The following UNC5D variants were observed in gnomAD, a reference collection of about 807,000 sequenced individuals.
The protein encoded by UNC5D is unc-5 netrin receptor D, also known as netrin receptor UNC5D.
A neutral mutation model predicts 105.4 loss-of-function variants in UNC5D; 39 were observed. The observed-to-expected ratio is 0.37, with a 90% confidence interval of 0.29 to 0.48. The LOEUF is 0.48. UNC5D is among the 20% of genes least tolerant of loss of function. The pLI is 0.98. For missense variants in UNC5D, 991 were observed against 1,202.4 expected (o/e 0.82, Z 2.60); for synonymous variants, 452 against 450.4 (o/e 1.00, Z -0.04).
intron 1 of UNC5D, among the ~76,000 whole-genome samples, chr8:35,333,507 G>C (rs1271865146): frequency 4.6e-5 from 7 of 152,090 alleles, no homozygotes; most frequent in Non-Finnish European, 1.0e-4. Flanking sequence ...TTGTTTTTGA[G>C]AGGGAGTTTC....
intron 1 of UNC5D, among the ~76,000 whole-genome samples, chr8:35,247,099 C>A (rs769221919): frequency 4.6e-5 from 7 of 151,972 alleles, no homozygotes; most frequent in Non-Finnish European, 8.8e-5. Flanking sequence ...CAGTGTTGTC[C>A]TTGCCTCTTC....
chr8:35,503,401 T>C (rs1345806587), intron 1 of UNC5D, among the ~76,000 whole-genome samples: 1 of 152,158 alleles, frequency 6.6e-6, no homozygotes, highest in Non-Finnish European at 1.5e-5. Flanking sequence ...CCATCAGATC[T>C]CCTGAGACTT....
intron 16 of UNC5D, among the ~76,000 whole-genome samples, chr8:35,786,659 G>A (rs761531795): frequency 1.6e-4 from 25 of 152,052 alleles, no homozygotes; most frequent in Non-Finnish European, 3.4e-4. Context: ...CATTTACCTA[G>A]GATAAAGTTC....
At chr8:35,337,617 A>G (rs1189780516) in intron 1 of UNC5D, among the ~76,000 whole-genome samples, 1 of 152,208 alleles carries the variant, frequency 6.6e-6, no homozygotes, top group Non-Finnish European at 1.5e-5. Flanking sequence ...GGTATGAAGC[A>G]CACATTGAAT....
At chr8:35,712,681 G>C (rs1250767460) in intron 8 of UNC5D, among the ~76,000 whole-genome samples, 1 of 152,116 alleles carries the variant, frequency 6.6e-6, no homozygotes, top group Non-Finnish European at 1.5e-5. Flanking sequence ...TCTTCACCAG[G>C]TACAGAATTC....
intron 1 of UNC5D, among the ~76,000 whole-genome samples, chr8:35,354,272 CT>C (rs138675674): frequency 0.015 from 2,271 of 152,158 alleles, 65 homozygotes; most frequent in African/African-American, 0.053. Flanking sequence ...CTTTCCCCCC[CT>C]CTCTTGCTTT....
rs967909811 is a variant in UNC5D at position 35,793,074 on chromosome 8, T to G, written c.*2511T>G. The G allele has an allele frequency of 8.8e-6, 4 of 453,816 alleles. No homozygotes were observed. The highest frequency in any genetic ancestry group is 1.8e-5 in the Non-Finnish European group (4 of 226,052). The allele number at this position is 453,816 out of a possible 1,614,324, so 28.1% of individuals were successfully genotyped here. On this transcript the variant is annotated 3_prime_UTR_variant, in exon 17 of 17. Transcript: ENST00000404895. Reference sequence around the variant, plus strand: ...ATTCACCTCAGACTTCAGCCTAAGATTCAATCAAATTCATCCTTCAGCCTG... The same window carrying G: ...ATTCACCTCAGACTTCAGCCTAAGAGTCAATCAAATTCATCCTTCAGCCTG...
chr8:35,342,260 A>G, intron 1 of UNC5D, among the ~76,000 whole-genome samples: 1 of 152,076 alleles, frequency 6.6e-6, no homozygotes, highest in East Asian at 1.9e-4. Flanking sequence ...TTGGGGACAG[A>G]CCAAAAGAGA....
chr8:35,567,236 T>C (rs1323978317), intron 2 of UNC5D, among the ~76,000 whole-genome samples: 1 of 152,176 alleles, frequency 6.6e-6, no homozygotes, highest in Non-Finnish European at 1.5e-5. Context: ...GCTTTAAGAC[T>C]AACTTGGTTT....
intron 1 of UNC5D, among the ~76,000 whole-genome samples, chr8:35,542,159 A>G (rs2130637084): frequency 6.6e-6 from 1 of 152,352 alleles, no homozygotes; most frequent in South Asian, 2.1e-4. Flanking sequence ...AAAATAAACA[A>G]GAAACTTTTA....
intron 1 of UNC5D, among the ~76,000 whole-genome samples, chr8:35,342,661 G>A (rs1811533009): frequency 6.6e-6 from 1 of 151,966 alleles, no homozygotes. Context: ...AGGAAACGTG[G>A]GATACTTGAT....
intron 1 of UNC5D, among the ~76,000 whole-genome samples, chr8:35,278,117 C>A (rs1317101661): frequency 6.6e-6 from 1 of 152,202 alleles, no homozygotes; most frequent in Non-Finnish European, 1.5e-5. Context: ...CTCCATCCTT[C>A]ATTCCTGGTG....
intron 8 of UNC5D, among the ~76,000 whole-genome samples, chr8:35,717,269 T>C (rs1270084948): frequency 6.6e-6 from 1 of 152,232 alleles, no homozygotes; most frequent in African/African-American, 2.4e-5. Context: ...TCCTGCAACA[T>C]AGATTCTAAT....
In UNC5D at chr8:35,793,254, C is replaced by G; in HGVS notation, c.*2691C>G. The G allele has an allele frequency of 2.4e-6, 1 of 420,840 alleles. No homozygotes were observed. Among genetic ancestry groups the G allele is most frequent in the East Asian group, 7.3e-5 (1 of 13,706 alleles). 26.1% of individuals were successfully genotyped at this position (420,840 alleles called of 1,614,324 possible). On this transcript the variant is annotated 3_prime_UTR_variant, in exon 17 of 17. Transcript: ENST00000404895. ...AGAGAACCCACATTTGTGAGATTTA[C>G]AGACCAAGGTGTGGTGGAGGAGGTA...
chr8:35,433,547 CTTTTAAAAATAG>C (rs1266504552), intron 1 of UNC5D, among the ~76,000 whole-genome samples: 4 of 151,884 alleles, frequency 2.6e-5, no homozygotes, highest in Non-Finnish European at 4.4e-5. Flanking sequence ...GAAAAGACTC[CTTTTAAAAATAG>C]TTGCTTATTT....
At chr8:35,246,957 G>A (rs571926818) in intron 1 of UNC5D, among the ~76,000 whole-genome samples, 2 of 152,088 alleles carry the variant, frequency 1.3e-5, no homozygotes, top group South Asian at 2.1e-4. Flanking sequence ...GCTAAAAAGG[G>A]CCCTAAAATT....
At chr8:35,524,507 G>A (rs1371836494) in intron 1 of UNC5D, among the ~76,000 whole-genome samples, 2 of 150,296 alleles carry the variant, frequency 1.3e-5, no homozygotes, top group South Asian at 2.1e-4. Flanking sequence ...GGGATGAGGT[G>A]GGAAGAACAG....
chr8:35,721,445 C>T (rs1271882188), intron 8 of UNC5D: 17 of 702,748 alleles, frequency 2.4e-5, no homozygotes, highest in Admixed American at 2.0e-5. Context: ...TTTGCCCATG[C>T]ATTCAATAGG....
At chr8:35,772,838 G>A (rs1434790579) in intron 15 of UNC5D, among the ~76,000 whole-genome samples, 1 of 149,316 alleles carries the variant, frequency 6.7e-6, no homozygotes. Context: ...GGCACCATTT[G>A]GTTCCTTATT....
Sources: allele counts gnomAD v4.1 joint callset (sites outside exome capture counted in the v4.1 genomes callset), GRCh38; gene constraint gnomAD v4.1.1; transcripts MANE v1.5; gene names NCBI Gene and HGNC (gene_info 2026-07-23, HGNC 2026-07-21).